The following SLC5A12 variants were observed in gnomAD, a reference collection of about 807,000 sequenced individuals.
SLC5A12 encodes sodium-coupled monocarboxylate transporter 2.
In SLC5A12, 46 loss-of-function variants were observed where a neutral mutation model predicts 72.7. The ratio of observed to expected loss-of-function variants is 0.63; its 90% CI spans 0.50 to 0.81. The LOEUF is 0.81. Ranked by LOEUF, SLC5A12 falls within the 30% of genes least tolerant of loss-of-function variation. SLC5A12 has a pLI of 0.00. For missense variants in SLC5A12, 683 were observed against 740.7 expected (o/e 0.92, Z 0.90); for synonymous variants, 275 against 264.4 (o/e 1.04, Z -0.39).
intron 9 of SLC5A12, among the ~76,000 whole-genome samples, chr11:26,691,060 G>A (rs1258118335): frequency 6.6e-6 from 1 of 151,742 alleles, no homozygotes; most frequent in South Asian, 2.1e-4. Flanking sequence ...AATAGACAGA[G>A]GACTTATTTC....
chr11:26,678,950 A>G, intron 12 of SLC5A12, 135 bp from the exon 13 acceptor site: 1 of 510,442 alleles, frequency 2.0e-6, no homozygotes, highest in African/African-American at 1.9e-5. Context: ...TTAAAAAATT[A>G]TATTTAGAGA....
At chr11:26,709,172 C>G (rs1855161073) in intron 4 of SLC5A12, 140 bp downstream of exon 4, 1 of 544,554 alleles carries the variant, frequency 1.8e-6, no homozygotes, top group South Asian at 3.7e-5. Context: ...CCTCAGGAAA[C>G]TGTGACAGAT....
In SLC5A12 at chr11:26,670,250, C is replaced by T. The variant is rs372265162; in HGVS notation, c.*852G>A. 2.0e-5 allele frequency: 3 copies of T among 152,186 alleles called. No homozygotes were observed. Among genetic ancestry groups the T allele is most frequent in the Non-Finnish European group, 2.9e-5 (2 of 68,000 alleles). The allele number at this position is 152,186 out of a possible 1,614,324, so 9.4% of individuals were successfully genotyped here. On this transcript the variant is annotated 3_prime_UTR_variant, in exon 15 of 15. Transcript: ENST00000396005. ...CTATGGTCTGTTACAATATTTGCAA[C>T]GTTCTTTTACCAAATTCTATCCTAA...
intron 12 of SLC5A12, 108 bp downstream of exon 12, chr11:26,680,947 A>G: frequency 2.8e-6 from 3 of 1,070,178 alleles, no homozygotes; most frequent in East Asian, 2.7e-5. Flanking sequence ...AGTGAGTCTC[A>G]TAAGAGAACA....
intron 9 of SLC5A12, among the ~76,000 whole-genome samples, chr11:26,686,794 T>C (rs565742838): frequency 6.6e-6 from 1 of 152,158 alleles, no homozygotes; most frequent in Non-Finnish European, 1.5e-5. Flanking sequence ...TCAAGGGTTA[T>C]CCTTCTAAGC....
chr11:26,673,636 G>A (rs1854197949), intron 13 of SLC5A12, 107 bp from the exon 14 acceptor site: 35 of 1,375,682 alleles, frequency 2.5e-5, no homozygotes, highest in Non-Finnish European at 2.2e-5. Context: ...TAGAATAAGA[G>A]TGAAAACAAG....
chr11:26,683,684 G>T, intron 11 of SLC5A12, 73 bp downstream of exon 11: 2 of 1,222,470 alleles, frequency 1.6e-6, no homozygotes, highest in Non-Finnish European at 1.2e-6. Flanking sequence ...TTCTAAACAG[G>T]GCTGAGAGGA....
chr11:26,705,275 C>G (rs905061911), intron 4 of SLC5A12, among the ~76,000 whole-genome samples: 3 of 151,798 alleles, frequency 2.0e-5, no homozygotes, highest in Non-Finnish European at 4.4e-5. Context: ...TGTAGTATTA[C>G]AGGTATAGAA....
chr11:26,703,932 C>G lies in SLC5A12; in HGVS notation c.541G>C (p.Val181Leu), dbSNP rs757533871. 2 of 1,613,724 alleles carry G rather than the reference C, an allele frequency of 1.2e-6. No homozygotes were observed. The highest frequency in any genetic ancestry group is 8.5e-7 in the Non-Finnish European group (1 of 1,179,750). ...ATCTGAAATGCATCTGTCCACACCA[C>G]TGCTTTTAATCCTCCCTGAAATAGA... ...FYCTLGGLKAVVWTDAFQMVV... is the reference protein window; with the variant it reads ...FYCTLGGLKALVWTDAFQMVV... The change falls in exon 5 of 15, where the codon GTG becomes CTG. Residue 181 changes from valine (V) to leucine (L), a missense_variant. Coordinates refer to ENST00000396005, the MANE Select transcript of SLC5A12 (RefSeq NM_178498.4).
Position 26,681,055 on chromosome 11 carries a change from C to A in SLC5A12, c.1475G>T (p.Arg492Ile). 1 of 1,592,314 alleles carries A rather than the reference C, an allele frequency of 6.3e-7. No individual in the cohort carries two copies. Residue 492 changes from arginine to isoleucine, a missense_variant and splice_region_variant, in exon 12 of 15, where the codon AGA (arginine) becomes ATA (isoleucine). By Grantham distance (97) the Arg-to-Ile change is moderately conservative. Transcript: ENST00000396005. ...TATGPPVLSSRPGIADTWYSI... is the reference protein window; with the variant it reads ...TATGPPVLSSIPGIADTWYSI... Reference sequence around the variant, plus strand: ...AGCACCATCTATAAAGTCAGCATACCTGCTGGATAGTACTGGAGGCCCTGT... The same window carrying A: ...AGCACCATCTATAAAGTCAGCATACATGCTGGATAGTACTGGAGGCCCTGT...
intron 13 of SLC5A12, among the ~76,000 whole-genome samples, chr11:26,675,052 G>A (rs894923556): frequency 6.6e-6 from 1 of 152,156 alleles, no homozygotes; most frequent in African/African-American, 2.4e-5. Context: ...CTGAGGAGGA[G>A]TTGCAAAACC....
At chr11:26,708,540 A>G (rs1185150423) in intron 4 of SLC5A12, among the ~76,000 whole-genome samples, 1 of 152,110 alleles carries the variant, frequency 6.6e-6, no homozygotes, top group East Asian at 1.9e-4. Context: ...CATCTGCTAT[A>G]TGAAAATATA....
Position 26,688,375 on chromosome 11 carries a change from G to A in SLC5A12, c.1154-1831C>T, listed in dbSNP as rs191732553. 6.6e-5 allele frequency among the ~76,000 whole-genome samples: 10 copies of A among 152,240 alleles called. No homozygotes were observed. In the East Asian group the frequency reaches 1.9e-3, roughly 29 times the overall value. ...ATCCATGAATATCTGCCAGAAATCG[G>A]GAATTATACTGGCAGCAGTGCCCAT... On this transcript the variant is annotated intron_variant, in intron 9 of 14. Transcript: ENST00000396005.
At chr11:26,703,757 T>C (rs2133196535) in intron 5 of SLC5A12, 36 bp downstream of exon 5, 1 of 1,613,100 alleles carries the variant, frequency 6.2e-7, no homozygotes, top group South Asian at 1.1e-5. Context: ...TGTAGCTAAG[T>C]CTTTGTAAAG....
chr11:26,673,252 G>C (rs1195831611), intron 14 of SLC5A12, 150 bp downstream of exon 14: 1 of 867,750 alleles, frequency 1.2e-6, no homozygotes, highest in South Asian at 2.7e-5. Context: ...GATTAGCTGA[G>C]ATAACTCTGA....
At chr11:26,680,378 TATATGTATATATATTC>T (rs1347273021) in intron 12 of SLC5A12, among the ~76,000 whole-genome samples, 3 of 109,902 alleles carry the variant, frequency 2.7e-5, no homozygotes, top group Non-Finnish European at 5.9e-5. Flanking sequence ...TATTCATATA[TATATGTATATATATTC>T]ATATATATAT....
chr11:26,722,455 C>G (rs570229272), upstream of SLC5A12, among the ~76,000 whole-genome samples: 70 of 152,318 alleles, frequency 4.6e-4, no homozygotes, highest in African/African-American at 1.6e-3. Context: ...AACTTCCTGA[C>G]TCTCTTTGTC....
intron 1 of SLC5A12, among the ~76,000 whole-genome samples, chr11:26,714,108 C>CAA (rs55772307): frequency 5.4e-4 from 81 of 150,574 alleles, no homozygotes; most frequent in East Asian, 1.6e-3. Context: ...TCAAAACGAA[C>CAA]AAAAAAAAAC....
At position 26,680,306 on chromosome 11, in the gene SLC5A12, T is replaced by TATATATATGTATATATATAC. The variant is rs1565185557; in HGVS notation, c.1475+748_1475+749insGTATATATATACATATATAT. Among the ~76,000 whole-genome samples the TATATATATGTATATATATAC allele has an allele frequency of 3.3e-4, 7 of 21,306 alleles. No homozygotes were observed. In the East Asian group the frequency reaches 0.017, roughly 53 times the overall value. The allele number at this position is 21,306 out of a possible 152,430, so 14.0% of individuals were successfully genotyped here. A position where few individuals can be genotyped will look rare whatever the true frequency, so the allele number is the denominator to read the frequency against. On this transcript the variant is annotated intron_variant, in intron 12 of 14. Coordinates refer to ENST00000396005, the MANE Select transcript of SLC5A12 (RefSeq NM_178498.4). ...CTTTATATATATGTATATATATTCA[T>TATATATATGTATATATATAC]ATATATATATGTATATATATTCATA...
Sources: allele counts gnomAD v4.1 joint callset (sites outside exome capture counted in the v4.1 genomes callset), GRCh38; gene constraint gnomAD v4.1.1; transcripts MANE v1.5; gene names NCBI Gene and HGNC (gene_info 2026-07-23, HGNC 2026-07-21).